The following DIP2C variants were observed in gnomAD, a reference collection of about 807,000 sequenced individuals.
DIP2C encodes disco-interacting protein 2 homolog C.
DIP2C carries 33 observed loss-of-function variants against 192.4 expected under a neutral mutation model. The observed-to-expected ratio is 0.17, with a 90% CI of 0.13 to 0.23. The LOEUF is 0.23. DIP2C is among the 10% of genes least tolerant of loss of function. The pLI, the probability that DIP2C is intolerant of heterozygous loss-of-function variation, is 1.00. For missense variants in DIP2C, 1,537 were observed against 2,110.1 expected, an observed-to-expected ratio of 0.73 and a Z score of 5.32; for synonymous variants, 979 against 864.1, an observed-to-expected ratio of 1.13 and a Z score of -2.33.
At chr10:551,941 CCT>C (rs1360275454) in intron 1 of DIP2C, among the ~76,000 whole-genome samples, 1 of 152,208 alleles carries the variant, frequency 6.6e-6, no homozygotes, top group Non-Finnish European at 1.5e-5. Context: ...CTGCCAGCAT[CCT>C]CTGAGACGCT....
chr10:444,507 G>A (rs1371295721), intron 3 of DIP2C, among the ~76,000 whole-genome samples: 1 of 151,842 alleles, frequency 6.6e-6, no homozygotes, highest in Non-Finnish European at 1.5e-5. Flanking sequence ...GTTCATTCAT[G>A]AGGAGTGTTT....
At chr10:398,053 A>G (rs1964133804) in intron 10 of DIP2C, among the ~76,000 whole-genome samples, 2 of 152,210 alleles carry the variant, frequency 1.3e-5, no homozygotes, top group Admixed American at 1.3e-4. Flanking sequence ...AAGAAATCGA[A>G]GTATTTTACC....
chr10:612,479 T>A (rs1853163591), intron 1 of DIP2C, among the ~76,000 whole-genome samples: 1 of 152,110 alleles, frequency 6.6e-6, no homozygotes, highest in Non-Finnish European at 1.5e-5. Flanking sequence ...TTAAGGAAAT[T>A]TTAAAACCTC....
intron 1 of DIP2C, among the ~76,000 whole-genome samples, chr10:599,661 G>A (rs1230032905): frequency 6.6e-6 from 1 of 152,286 alleles, no homozygotes; most frequent in East Asian, 1.9e-4. Flanking sequence ...TCAGTGGACA[G>A]AGGACCCCCT....
rs190701726 is a variant in DIP2C at position 392,645 on chromosome 10, A to T, written c.1261-1782T>A. ...AGTGTGCTCAGAACAGCACTTAACC[A>T]TGTCTCACCCTACACACCCATGTGG... On this transcript the variant is annotated intron_variant, in intron 10 of 36. Transcript: ENST00000280886. Among the ~76,000 whole-genome samples, 20 of 152,208 alleles carry T rather than the reference A, an allele frequency of 1.3e-4. No homozygotes were observed. The East Asian group carries it at 3.3e-3, about 25-fold the overall frequency.
intron 1 of DIP2C, among the ~76,000 whole-genome samples, chr10:549,796 T>TGTGA (rs766632387): frequency 4.6e-5 from 7 of 152,158 alleles, no homozygotes; most frequent in Non-Finnish European, 7.3e-5. Context: ...ATTAAGTATC[T>TGTGA]GTGAGTAACA....
At chr10:509,094 G>A (rs1377915076) in intron 1 of DIP2C, among the ~76,000 whole-genome samples, 1 of 152,192 alleles carries the variant, frequency 6.6e-6, no homozygotes, top group Non-Finnish European at 1.5e-5. Flanking sequence ...GCAGGCCCAA[G>A]ATATCTAGTG....
intron 2 of DIP2C, among the ~76,000 whole-genome samples, chr10:480,473 ACGGT>A (rs1843524408): frequency 6.6e-6 from 1 of 152,006 alleles, no homozygotes. Flanking sequence ...TCACTGGATG[ACGGT>A]CTCATCTACC....
At chr10:576,697 C>G (rs928503424) in intron 1 of DIP2C, among the ~76,000 whole-genome samples, 3 of 152,148 alleles carry the variant, frequency 2.0e-5, no homozygotes, top group African/African-American at 7.2e-5. Context: ...CACTTGAGAT[C>G]AGGAGTTGGA....
chr10:613,824 G>A (rs914124382), intron 1 of DIP2C, among the ~76,000 whole-genome samples: 1 of 150,590 alleles, frequency 6.6e-6, no homozygotes, highest in Non-Finnish European at 1.5e-5. Flanking sequence ...GGGAAACATG[G>A]CGTTTCCACA....
At chr10:419,346 CCA>C (rs200029887) in intron 5 of DIP2C, 147 bp from the exon 6 acceptor site, 1 of 1,109,826 alleles carries the variant, frequency 9.0e-7, no homozygotes, top group Non-Finnish European at 1.3e-6. Context: ...GCCGCATCTG[CCA>C]CACACATCCA....
chr10:600,312 C>G (rs1244181022), intron 1 of DIP2C, among the ~76,000 whole-genome samples: 1 of 152,222 alleles, frequency 6.6e-6, no homozygotes, highest in African/African-American at 2.4e-5. Context: ...ACAGCCTCAG[C>G]ACAACCTCCC....
chr10:472,197 A>G (rs1970684565), intron 3 of DIP2C, among the ~76,000 whole-genome samples: 1 of 152,198 alleles, frequency 6.6e-6, no homozygotes, highest in African/African-American at 2.4e-5. Context: ...ACGAGATTAT[A>G]ATCTTTTTAA....
At chr10:563,948 T>TGA (rs1195956232) in intron 1 of DIP2C, among the ~76,000 whole-genome samples, 5 of 152,226 alleles carry the variant, frequency 3.3e-5, no homozygotes, top group African/African-American at 1.2e-4. Context: ...GAATCGATGC[T>TGA]GAATTTGAAG....
At chr10:597,773 G>C (rs1266616798) in intron 1 of DIP2C, among the ~76,000 whole-genome samples, 3 of 152,170 alleles carry the variant, frequency 2.0e-5, no homozygotes, top group Non-Finnish European at 4.4e-5. Flanking sequence ...TGAGGTTAAA[G>C]AGAATAACGT....
chr10:396,356 C>G (rs531185866), intron 10 of DIP2C, among the ~76,000 whole-genome samples: 22 of 152,334 alleles, frequency 1.4e-4, no homozygotes, highest in South Asian at 1.2e-3. Context: ...CCACCTCCCC[C>G]CTTTATCCAA....
intron 1 of DIP2C, chr10:667,938 A>T (rs1588727804): frequency 6.6e-6 from 1 of 151,982 alleles, no homozygotes; most frequent in Non-Finnish European, 1.5e-5. Flanking sequence ...TCAACACGAC[A>T]TACACGTACC....
intron 9 of DIP2C, among the ~76,000 whole-genome samples, chr10:400,477 G>A (rs1253400814): frequency 1.3e-5 from 2 of 152,248 alleles, no homozygotes; most frequent in African/African-American, 4.8e-5. Context: ...ACTTGTACAT[G>A]TGGGGTAGCA....
At chr10:425,833 C>T (rs1966561554) in intron 4 of DIP2C, among the ~76,000 whole-genome samples, 1 of 152,190 alleles carries the variant, frequency 6.6e-6, no homozygotes, top group East Asian at 1.9e-4. Context: ...TCAAGATAAA[C>T]TCAACAAAAT....
Sources: allele counts gnomAD v4.1 joint callset (sites outside exome capture counted in the v4.1 genomes callset), GRCh38; gene constraint gnomAD v4.1.1; transcripts MANE v1.5; gene names NCBI Gene and HGNC (gene_info 2026-07-23, HGNC 2026-07-21).